The following PCDHGA3 variants were observed in gnomAD, a reference collection of about 807,000 sequenced individuals.
The protein encoded by PCDHGA3 is protocadherin gamma subfamily A, 3.
PCDHGA3 carries 40 observed loss-of-function variants against 58.5 expected under a neutral mutation model. The observed-to-expected ratio is 0.68, with a 90% confidence interval of 0.53 to 0.89. The LOEUF (loss-of-function observed/expected upper bound fraction) is 0.89, where lower values mean the gene tolerates loss of function less well. PCDHGA3 is among the 40% of genes least tolerant of loss of function. The pLI is 0.00. For synonymous variants in PCDHGA3, 530 were observed against 525.7 expected (o/e 1.01, Z -0.11); for missense variants, 1,223 against 1,195.9 (o/e 1.02, Z -0.33).
chr5:141,370,747 A>T (rs780618979), intron 1 of PCDHGA3: 2 of 1,613,952 alleles, frequency 1.2e-6, no homozygotes, highest in Non-Finnish European at 1.7e-6. Flanking sequence ...AACTTTTTTC[A>T]TGTAACTGTG....
intron 1 of PCDHGA3, chr5:141,350,578 C>G: frequency 6.2e-7 from 1 of 1,613,970 alleles, no homozygotes; most frequent in Non-Finnish European, 8.5e-7. Flanking sequence ...TCGAAACGGT[C>G]GCTGAAAACC....
chr5:141,486,578 C>A lies in PCDHGA3; in HGVS notation c.2425-8229C>A, dbSNP rs780578882. 5 of 1,613,610 alleles carry A rather than the reference C, an allele frequency of 3.1e-6. No homozygotes were observed. In the Admixed American group the frequency reaches 6.7e-5, roughly 22 times the overall value. On this transcript the variant is annotated intron_variant, in intron 1 of 3. Coordinates refer to ENST00000253812, the MANE Select transcript of PCDHGA3 (RefSeq NM_018916.4). The surrounding 1 kb of genome is among the most constrained non-coding windows in gnomAD (Gnocchi z 5.0). Reference sequence around the variant, plus strand: ...TGAGGTGTTTGTTCCTGAGAACAATCGCCCAGGGGACCTGCTTTGCTCCCT... The same window carrying A: ...TGAGGTGTTTGTTCCTGAGAACAATAGCCCAGGGGACCTGCTTTGCTCCCT...
intron 1 of PCDHGA3, chr5:141,405,207 C>A (rs767001796): frequency 6.2e-7 from 1 of 1,613,292 alleles, no homozygotes; most frequent in Non-Finnish European, 8.5e-7. Flanking sequence ...TTCCTACAGA[C>A]CTATTCTCAG....
At chr5:141,418,512 G>C (rs776986277) in intron 1 of PCDHGA3, 1 of 1,613,966 alleles carries the variant, frequency 6.2e-7, no homozygotes, top group Non-Finnish European at 8.5e-7. Context: ...TTAGATGGTG[G>C]GGACCCTCCC....
chr5:141,381,417 G>A (rs954058342), intron 1 of PCDHGA3, among the ~76,000 whole-genome samples: 1 of 152,214 alleles, frequency 6.6e-6, no homozygotes, highest in Admixed American at 6.5e-5. Context: ...GTGGAGAGAC[G>A]AGTACCTCTA....
chr5:141,478,774 G>T (rs1019315910), intron 1 of PCDHGA3: 1 of 1,496,268 alleles, frequency 6.7e-7, no homozygotes, highest in African/African-American at 1.4e-5. Flanking sequence ...ACTCATCTGT[G>T]GACCTAATTC....
chr5:141,413,441 T>C (rs760538286), intron 1 of PCDHGA3: 1 of 1,614,056 alleles, frequency 6.2e-7, no homozygotes, highest in Non-Finnish European at 8.5e-7. Flanking sequence ...GGCAGCTTGA[T>C]CACCGCGGGC....
chr5:141,370,302 A>G, intron 1 of PCDHGA3: 1 of 1,187,592 alleles, frequency 8.4e-7, no homozygotes, highest in Non-Finnish European at 1.2e-6. Flanking sequence ...GCACAAAGAC[A>G]AAGCAAATAG....
Position 141,438,591 on chromosome 5 carries a change from C to CAT in PCDHGA3, c.2425-56172_2425-56171dup, listed in dbSNP as rs946798767. On this transcript the variant is annotated intron_variant, in intron 1 of 3. Coordinates refer to ENST00000253812, the MANE Select transcript of PCDHGA3 (RefSeq NM_018916.4). ...TCTGATATACATACATACATACATA[C>CAT]ATATATATATATATATATATATATA... Among the ~76,000 whole-genome samples the CAT allele has an allele frequency of 6.3e-3, 476 of 75,268 alleles. 1 individual carries two copies. The highest frequency in any genetic ancestry group is 9.5e-3 in the Non-Finnish European group (352 of 37,106). 49.4% of individuals were successfully genotyped at this position (75,268 alleles called of 152,430 possible). A position where few individuals can be genotyped will look rare whatever the true frequency, so the allele number is the denominator to read the frequency against.
intron 1 of PCDHGA3, chr5:141,364,487 G>T: frequency 6.2e-7 from 1 of 1,614,032 alleles, no homozygotes; most frequent in Non-Finnish European, 8.5e-7. Flanking sequence ...CAAGGACCTT[G>T]GGCTGGAGCC....
chr5:141,470,577 C>T (rs75062402), intron 1 of PCDHGA3, among the ~76,000 whole-genome samples: 8,307 of 152,270 alleles, frequency 0.055, 479 homozygotes, highest in African/African-American at 0.15. Flanking sequence ...GCAGGATCAA[C>T]TTCATAGGCA....
intron 1 of PCDHGA3, among the ~76,000 whole-genome samples, chr5:141,456,303 G>A (rs941370138): frequency 6.6e-6 from 1 of 152,156 alleles, no homozygotes; most frequent in Non-Finnish European, 1.5e-5. Flanking sequence ...ATGGAGAACA[G>A]CAGCTAGGGC....
At chr5:141,374,040 T>C (rs749671725) in intron 1 of PCDHGA3, 1 of 1,458,040 alleles carries the variant, frequency 6.9e-7, no homozygotes, top group Admixed American at 2.7e-5. Flanking sequence ...TGCAGATCTG[T>C]TCTTCCTCTT....
In PCDHGA3 at chr5:141,389,786, C is replaced by T. The variant is rs368188508; in HGVS notation, c.2424+43329C>T. 6.2e-6 allele frequency: 10 copies of T among 1,613,252 alleles called. No homozygotes were observed. The African/African-American group carries it at 1.1e-4, about 17-fold the overall frequency. The stretch of plus-strand genomic sequence containing the variant: ...CAGCGCGTGCCTTAGGCGACAGGGA[C>T]GCCGTCCGCCAGCGCCTTCTGGTCG... On this transcript the variant is annotated intron_variant, in intron 1 of 3. Transcript: ENST00000253812.
At chr5:141,430,301 C>G (rs985986465) in intron 1 of PCDHGA3, among the ~76,000 whole-genome samples, 2 of 150,982 alleles carry the variant, frequency 1.3e-5, no homozygotes, top group Non-Finnish European at 2.9e-5. Context: ...AGCAGATGCA[C>G]TAACATTATA....
chr5:141,498,865 G>A (rs2099786522), intron 2 of PCDHGA3, among the ~76,000 whole-genome samples: 1 of 151,116 alleles, frequency 6.6e-6, no homozygotes, highest in Non-Finnish European at 1.5e-5. Flanking sequence ...CCCAGGAGGC[G>A]GAGGTTGCAG....
chr5:141,477,378 C>A lies in PCDHGA3; in HGVS notation c.2425-17429C>A. On this transcript the variant is annotated intron_variant, in intron 1 of 3. Coordinates refer to ENST00000253812, the MANE Select transcript of PCDHGA3 (RefSeq NM_018916.4). This position sits in a 1 kb window ranked among gnomAD's most constrained non-coding sequence, Gnocchi z 4.9. ...GCAGACCTGGATCGGGAGACTGTGC[C>A]AGAATACAACCTCAGCATCACCGCC... 2 of 1,614,136 alleles carry A rather than the reference C, an allele frequency of 1.2e-6. No homozygotes were observed. Among genetic ancestry groups the A allele is most frequent in the Non-Finnish European group, 1.7e-6 (2 of 1,180,034 alleles).
rs1338008428 is a variant in PCDHGA3 at position 141,374,930 on chromosome 5, A to G, written c.2424+28473A>G. The G allele has an allele frequency of 3.1e-6, 5 of 1,613,868 alleles. No homozygotes were observed. Among genetic ancestry groups the G allele is most frequent in the African/African-American group, 1.3e-5 (1 of 74,948 alleles). ...CGGGGAAGTAACTTATTCCTTTGTG[A>G]AGATTACAGAAAAGATCTCACAAAT... is the stretch of plus-strand genomic sequence containing the variant. On this transcript the variant is annotated intron_variant, in intron 1 of 3. Transcript: ENST00000253812.
At position 141,389,024 on chromosome 5, in the gene PCDHGA3, G is replaced by T. The variant is rs776063645; in HGVS notation, c.2424+42567G>T. On this transcript the variant is annotated intron_variant, in intron 1 of 3. Transcript: ENST00000253812. ...AGGATTCCAGACACAATGGAGAAGT[G>T]ACTTGTAAATTGGAAGGTGATGTTC... 4 of 1,613,948 alleles carry T rather than the reference G, an allele frequency of 2.5e-6. No homozygotes were observed. The South Asian group carries it at 4.4e-5, about 18-fold the overall frequency.
Sources: allele counts gnomAD v4.1 joint callset (sites outside exome capture counted in the v4.1 genomes callset), GRCh38; gene constraint gnomAD v4.1.1; non-coding constraint Gnocchi (gnomAD v3.1); transcripts MANE v1.5; gene names NCBI Gene and HGNC (gene_info 2026-07-23, HGNC 2026-07-21).